FARS2: variants seen among roughly 807,000 people sequenced by gnomAD.
The protein encoded by FARS2 is phenylalanyl-tRNA synthetase 2, mitochondrial, also known as phenylalanine--tRNA ligase, mitochondrial.
In FARS2, 40 loss-of-function variants were observed where a neutral mutation model predicts 46.4. The observed-to-expected ratio is 0.86, with a 90% confidence interval of 0.67 to 1.12. FARS2 has a LOEUF of 1.12. FARS2 is among the 50% of genes most tolerant of loss of function. The probability of loss-of-function intolerance (pLI) is 0.00; values close to 1 mark genes in which losing one functional copy is unlikely to be tolerated. For synonymous variants in FARS2, 234 were observed against 214.9 expected, an observed-to-expected ratio of 1.09 and a Z score of -0.78; for missense variants, 513 against 567.9, an observed-to-expected ratio of 0.90 and a Z score of 0.98.
intron 1 of FARS2, among the ~76,000 whole-genome samples, chr6:5,296,451 A>AT (rs1767898163): frequency 6.6e-6 from 1 of 152,064 alleles, no homozygotes; most frequent in African/African-American, 2.4e-5. Context: ...TATTTTGGCC[A>AT]TTTTTAAGCA....
intron 6 of FARS2, among the ~76,000 whole-genome samples, chr6:5,707,053 C>T (rs13201770): frequency 0.45 from 68,965 of 152,112 alleles, 17,668 homozygotes; most frequent in Non-Finnish European, 0.59. Flanking sequence ...CACTTGCTTG[C>T]TCTCACTCAC....
chr6:5,545,227 AG>A lies in FARS2; in HGVS notation c.954del (p.Arg318SerfsTer2), dbSNP rs1403576350. 5.0e-6 allele frequency: 8 copies of A among 1,613,948 alleles called. No homozygotes were observed. The highest frequency in any genetic ancestry group is 6.8e-6 in the Non-Finnish European group (8 of 1,179,928). ...CTGGGCTTTTGGCCTAGGATTAGAA[AG>A]GCTAGCCATGATCCTCTACGACATC... is the stretch of plus-strand genomic sequence containing the variant. ...IGWAFGLGLE[R>X]LAMILYDIPD... is the part of the protein sequence containing the mutation. On this transcript the variant is annotated frameshift_variant, in exon 5 of 7. Coordinates refer to ENST00000274680, the MANE Select transcript of FARS2 (RefSeq NM_006567.5). LOFTEE classifies it high-confidence loss of function.
intron 1 of FARS2, among the ~76,000 whole-genome samples, chr6:5,316,445 C>G (rs1769523980): frequency 6.6e-6 from 1 of 152,126 alleles, no homozygotes; most frequent in East Asian, 1.9e-4. Context: ...AGGGAAAAGG[C>G]TGAGCAAAGT....
chr6:5,344,259 T>G (rs780264842), intron 1 of FARS2, among the ~76,000 whole-genome samples: 1 of 152,084 alleles, frequency 6.6e-6, no homozygotes, highest in Non-Finnish European at 1.5e-5. Flanking sequence ...CTAATACCAT[T>G]GCTGCAGAGG....
intron 1 of FARS2, among the ~76,000 whole-genome samples, chr6:5,264,488 CTTTTTTCTTTT>C (rs1401057090): frequency 1.3e-5 from 2 of 148,794 alleles, no homozygotes; most frequent in Non-Finnish European, 3.0e-5. Context: ...TTTTTCTTTT[CTTTTTTCTTTT>C]TTTTTTTTTT....
At chr6:5,687,329 T>C (rs1757316982) in intron 6 of FARS2, among the ~76,000 whole-genome samples, 1 of 152,246 alleles carries the variant, frequency 6.6e-6, no homozygotes, top group Non-Finnish European at 1.5e-5. Flanking sequence ...TTTATGGTTT[T>C]AGGTCTAACA....
rs1582036035 is a variant in FARS2 at position 5,414,749 on chromosome 6, C to T, written c.772+10048C>T. Among the ~76,000 whole-genome samples, 5 of 147,710 alleles carry T rather than the reference C, an allele frequency of 3.4e-5. No individual in the cohort carries two copies. The South Asian group carries it at 1.1e-3, about 31-fold the overall frequency. ...TGTGGACAAGTCTTTATATGGACATCGCTTTTTTTTTTCTTGAGTAAATAG... is the reference window on the plus strand; with the variant it reads ...TGTGGACAAGTCTTTATATGGACATTGCTTTTTTTTTTCTTGAGTAAATAG... On this transcript the variant is annotated intron_variant, in intron 3 of 6. Transcript: ENST00000274680.
intron 5 of FARS2, among the ~76,000 whole-genome samples, chr6:5,562,806 CTTTTTTT>C (rs1275011133): frequency 8.2e-6 from 1 of 122,318 alleles, no homozygotes; most frequent in African/African-American, 3.0e-5. Context: ...TTTTCTTTTT[CTTTTTTT>C]TTTTTTTTTA....
chr6:5,385,773 T>C (rs1375397589), intron 2 of FARS2, among the ~76,000 whole-genome samples: 1 of 152,178 alleles, frequency 6.6e-6, no homozygotes, highest in African/African-American at 2.4e-5. Context: ...TAGCAGTGAT[T>C]CTTATTTCTC....
At chr6:5,607,227 C>A (rs140156263) in intron 5 of FARS2, among the ~76,000 whole-genome samples, 11 of 151,212 alleles carry the variant, frequency 7.3e-5, no homozygotes, top group African/African-American at 2.4e-4. Context: ...TTTTTAGTAG[C>A]TGAATAGAGA....
chr6:5,717,935 T>TATATAGAGAGAGAGAGAGAG (rs546191530), intron 6 of FARS2, among the ~76,000 whole-genome samples: 1 of 135,628 alleles, frequency 7.4e-6, no homozygotes, highest in African/African-American at 3.1e-5. Context: ...TATATATATA[T>TATATAGAGAGAGAGAGAGAG]ACAGAGTCTC....
intron 1 of FARS2, among the ~76,000 whole-genome samples, chr6:5,307,834 G>A (rs1443522860): frequency 6.6e-6 from 1 of 152,142 alleles, no homozygotes; most frequent in Admixed American, 6.5e-5. Context: ...ACAAGCTGCC[G>A]TGCAGCCTCA....
At chr6:5,303,437 C>T (rs901479335) in intron 1 of FARS2, among the ~76,000 whole-genome samples, 2 of 152,044 alleles carry the variant, frequency 1.3e-5, no homozygotes, top group Non-Finnish European at 2.9e-5. Context: ...AAGGTGAAGT[C>T]GGTTGCCATC....
At chr6:5,741,322 A>C (rs1761322752) in intron 6 of FARS2, among the ~76,000 whole-genome samples, 1 of 152,184 alleles carries the variant, frequency 6.6e-6, no homozygotes, top group African/African-American at 2.4e-5. Context: ...GGGCGTGTGG[A>C]TGCTATGGGA....
intron 4 of FARS2, among the ~76,000 whole-genome samples, chr6:5,484,295 C>A (rs901111646): frequency 1.3e-5 from 2 of 152,106 alleles, no homozygotes; most frequent in Non-Finnish European, 2.9e-5. Context: ...TGGTGCATTA[C>A]CAATCAGAAG....
chr6:5,267,066 G>A (rs1056778071), intron 1 of FARS2, among the ~76,000 whole-genome samples: 1 of 151,584 alleles, frequency 6.6e-6, no homozygotes, highest in African/African-American at 2.4e-5. Context: ...GGAGGCTAAG[G>A]GTTCCCGTAT....
chr6:5,737,885 A>C (rs927470514), intron 6 of FARS2, among the ~76,000 whole-genome samples: 4 of 152,220 alleles, frequency 2.6e-5, no homozygotes, highest in Admixed American at 2.6e-4. Context: ...AAGAGCCCAG[A>C]TTCCCCATGG....
chr6:5,723,938 C>T lies in FARS2; in HGVS notation c.1218-47353C>T, dbSNP rs1168848212. Reference sequence around the variant, plus strand: ...CCCAGCTAGTAACAGGCACACTCCCCCAAGACAGAGGAAACACCCTGCAGA... The same window carrying T: ...CCCAGCTAGTAACAGGCACACTCCCTCAAGACAGAGGAAACACCCTGCAGA... On this transcript the variant is annotated intron_variant, in intron 6 of 6. Coordinates refer to ENST00000274680, the MANE Select transcript of FARS2 (RefSeq NM_006567.5). Among the ~76,000 whole-genome samples the T allele has an allele frequency of 2.0e-5, 3 of 152,034 alleles. No homozygotes were observed. In the South Asian group the frequency reaches 6.2e-4, roughly 32 times the overall value.
chr6:5,596,544 G>C (rs1288916669), intron 5 of FARS2, among the ~76,000 whole-genome samples: 1 of 152,200 alleles, frequency 6.6e-6, no homozygotes, highest in African/African-American at 2.4e-5. Context: ...AATCATTAAA[G>C]GGCTTGGAAT....
Sources: gnomAD v4.1 joint callset for allele counts (sites outside exome capture counted in the v4.1 genomes callset) on GRCh38, gnomAD v4.1.1 for gene constraint, MANE v1.5 for transcripts, NCBI Gene and HGNC (gene_info 2026-07-23, HGNC 2026-07-21) for gene names.